SLC39A10: variants seen among roughly 807,000 people sequenced by gnomAD.
The protein encoded by SLC39A10 is zinc transporter ZIP10.
SLC39A10 carries 13 observed loss-of-function variants against 65.1 expected under a neutral mutation model. That is an observed-to-expected ratio of 0.20 (90% CI 0.13 to 0.32). SLC39A10 has a LOEUF of 0.32. Among genes scored for constraint, SLC39A10 ranks in the 10% least tolerant of loss-of-function variants. The pLI is 1.00. For synonymous variants in SLC39A10, 321 were observed against 342.2 expected (o/e 0.94, Z 0.68); for missense variants, 831 against 1,018.4 (o/e 0.82, Z 2.50).
At chr2:195,702,288 C>G (rs1477193865) in intron 3 of SLC39A10, among the ~76,000 whole-genome samples, 1 of 152,104 alleles carries the variant, frequency 6.6e-6, no homozygotes, top group Non-Finnish European at 1.5e-5. Flanking sequence ...GAGCAAAATA[C>G]ATTTTGTCTA....
At chr2:195,720,853 T>C (rs1692008754) in intron 8 of SLC39A10, among the ~76,000 whole-genome samples, 3 of 152,234 alleles carry the variant, frequency 2.0e-5, no homozygotes, top group Admixed American at 2.0e-4. Context: ...TAGTATATCA[T>C]TGCCAGATAT....
At chr2:195,662,848 C>T (rs1345306829) in intron 1 of SLC39A10, among the ~76,000 whole-genome samples, 2 of 152,208 alleles carry the variant, frequency 1.3e-5, no homozygotes, top group East Asian at 3.8e-4. Context: ...TATAGCTGCT[C>T]TTGCGGTAAA....
intron 1 of SLC39A10, among the ~76,000 whole-genome samples, chr2:195,679,133 G>C (rs895016874): frequency 6.6e-6 from 1 of 152,162 alleles, no homozygotes; most frequent in Non-Finnish European, 1.5e-5. Flanking sequence ...TTAAGTACCC[G>C]TATGTGACTA....
At position 195,632,290 on chromosome 2, in the gene SLC39A10, C is replaced by CTTTTTTTTTTT. The variant is rs202193660; in HGVS notation, c.-12+26074_-12+26084dup. Among the ~76,000 whole-genome samples the CTTTTTTTTTTT allele has an allele frequency of 7.8e-4, 54 of 69,254 alleles. 7 individuals carry two copies. Among genetic ancestry groups the CTTTTTTTTTTT allele is most frequent in the African/African-American group, 3.3e-3 (52 of 15,970 alleles). The allele number at this position is 69,254 out of a possible 152,430, so 45.4% of individuals were successfully genotyped here. A position where few individuals can be genotyped will look rare whatever the true frequency, so the allele number is the denominator to read the frequency against. ...AGGTCACCAGCTCTCATTCTACTTC[C>CTTTTTTTTTTT]TTTTTTTTTTTTTTTTTTTTTTTTT... On this transcript the variant is annotated intron_variant, in intron 2 of 2. Coordinates refer to the SLC39A10 transcript ENST00000458054.
chr2:195,666,552 G>A (rs747200396), intron 1 of SLC39A10, among the ~76,000 whole-genome samples: 53 of 152,236 alleles, frequency 3.5e-4, no homozygotes, highest in Non-Finnish European at 1.9e-4. Context: ...TTGACCTCCC[G>A]GGCTCAAGTA....
chr2:195,718,659 CT>C (rs1423744147), intron 8 of SLC39A10, among the ~76,000 whole-genome samples: 3 of 152,078 alleles, frequency 2.0e-5, no homozygotes, highest in Non-Finnish European at 2.9e-5. Flanking sequence ...TGTTAATCTA[CT>C]TTTATTTCAT....
rs1209674317 is a variant in SLC39A10 at position 195,676,056 on chromosome 2, A to G, written c.-11-3976A>G. On this transcript the variant is annotated intron_variant, in intron 1 of 9. Coordinates refer to ENST00000359634, the MANE Select transcript of SLC39A10 (RefSeq NM_020342.3). The stretch of plus-strand genomic sequence containing the variant: ...TTTTATGTTCTTTTCATAGTTGTCT[A>G]TGTAGTAGTGGAGTTTTTTTATTAC... Among the ~76,000 whole-genome samples the G allele has an allele frequency of 2.0e-5, 3 of 151,846 alleles. No individual in the cohort carries two copies. The East Asian group carries it at 5.8e-4, about 29-fold the overall frequency.
intron 3 of SLC39A10, among the ~76,000 whole-genome samples, chr2:195,691,318 T>C (rs1423104692): frequency 6.6e-6 from 1 of 152,344 alleles, no homozygotes; most frequent in East Asian, 1.9e-4. Context: ...GTTGGGCTGC[T>C]GTAAACGTGT....
rs79811636 is a variant in SLC39A10, at chr2:195,728,302, T to C, written c.2290T>C (p.Phe764Leu). ...TGCCAATAACATCACACTTTGGATC[T>C]TTGCAGTCACTGCAGGCATGTTCCT... ...QYANNITLWI[F>L]AVTAGMFLYV... is the part of the protein sequence containing the mutation. Residue 764 changes from phenylalanine to leucine, a missense_variant, in exon 9 of 10, where the codon TTT becomes CTT. Physicochemically the swap from Phe to Leu is conservative, Grantham distance 22 (BLOSUM62 0). This residue lies in a region of SLC39A10 where 120 missense variants were observed against 203.9 expected (regional missense o/e 0.59). Transcript: ENST00000359634. This position sits in a 1 kb window ranked among gnomAD's most constrained non-coding sequence, Gnocchi z 4.4. 1.2e-6 allele frequency: 2 copies of C among 1,614,046 alleles called. No individual in the cohort carries two copies.
intron 3 of SLC39A10, among the ~76,000 whole-genome samples, chr2:195,687,981 G>T (rs1032621914): frequency 6.6e-6 from 1 of 152,156 alleles, no homozygotes; most frequent in Admixed American, 6.5e-5. Flanking sequence ...TTCCACAGAT[G>T]AGCGCTTCTT....
At chr2:195,645,444 G>A (rs552696519) in intron 2 of SLC39A10, among the ~76,000 whole-genome samples, 31 of 152,174 alleles carry the variant, frequency 2.0e-4, no homozygotes, top group Middle Eastern at 3.4e-3. Context: ...AATCATTTAC[G>A]TACTATAATA....
chr2:195,662,656 A>G (rs1278609315), intron 1 of SLC39A10, among the ~76,000 whole-genome samples: 2 of 152,106 alleles, frequency 1.3e-5, no homozygotes, highest in Non-Finnish European at 2.9e-5. Flanking sequence ...TTTTTTCTAA[A>G]TTCACTTTTA....
At chr2:195,685,700 A>G (rs1255573373) in intron 3 of SLC39A10, among the ~76,000 whole-genome samples, 2 of 152,158 alleles carry the variant, frequency 1.3e-5, no homozygotes, top group Admixed American at 6.5e-5. Flanking sequence ...AGGCTAAATT[A>G]TGTTCCCTTC....
intron 2 of SLC39A10, among the ~76,000 whole-genome samples, chr2:195,622,127 A>T (rs1688360745): frequency 6.6e-6 from 1 of 152,142 alleles, no homozygotes; most frequent in Non-Finnish European, 1.5e-5. Context: ...GCATTTTGGG[A>T]GGCCGAGGTG....
At chr2:195,695,409 C>T (rs1009061686) in intron 3 of SLC39A10, among the ~76,000 whole-genome samples, 2 of 152,158 alleles carry the variant, frequency 1.3e-5, no homozygotes, top group Admixed American at 1.3e-4. Flanking sequence ...GGCCTCACCA[C>T]ACTCCCACAC....
chr2:195,699,129 A>G (rs1343903838), intron 3 of SLC39A10, among the ~76,000 whole-genome samples: 1 of 151,728 alleles, frequency 6.6e-6, no homozygotes, highest in Non-Finnish European at 1.5e-5. Context: ...ATTTCTTTGT[A>G]ATCAGTAGTA....
intron 1 of SLC39A10, among the ~76,000 whole-genome samples, chr2:195,661,616 A>G (rs140495799): frequency 8.9e-4 from 135 of 152,354 alleles, no homozygotes; most frequent in Non-Finnish European, 1.5e-3. Context: ...ACAGGACACA[A>G]TTCATTGTAT....
At chr2:195,706,005 A>G (rs1691385207) in intron 3 of SLC39A10, among the ~76,000 whole-genome samples, 1 of 152,168 alleles carries the variant, frequency 6.6e-6, no homozygotes, top group Non-Finnish European at 1.5e-5. Flanking sequence ...ACAGAAACCC[A>G]AATTGGAGGA....
intron 9 of SLC39A10, among the ~76,000 whole-genome samples, chr2:195,733,537 C>CT (rs112874082): frequency 2.0e-3 from 292 of 148,916 alleles, no homozygotes; most frequent in African/African-American, 6.5e-3. Flanking sequence ...CTTTTCTTTT[C>CT]TTTTTTTTTT....
Sources: allele counts gnomAD v4.1 joint callset (sites outside exome capture counted in the v4.1 genomes callset), GRCh38; gene constraint gnomAD v4.1.1; regional missense constraint gnomAD v4.1.1; non-coding constraint Gnocchi (gnomAD v3.1); transcripts MANE v1.5; gene names NCBI Gene and HGNC (gene_info 2026-07-23, HGNC 2026-07-21).